SEMA5A: variants seen among roughly 807,000 people sequenced by gnomAD.
SEMA5A encodes the protein semaphorin-5A.
A neutral mutation model predicts 135.5 loss-of-function variants in SEMA5A; 55 were observed. The ratio of observed to expected loss-of-function variants is 0.41; its 90% CI spans 0.33 to 0.51. The LOEUF (loss-of-function observed/expected upper bound fraction) is 0.51. SEMA5A is among the 20% of genes least tolerant of loss of function. SEMA5A has a pLI of 0.37. For missense variants in SEMA5A, 1,290 were observed against 1,419.9 expected (o/e 0.91, Z 1.47); for synonymous variants, 580 against 546.5 (o/e 1.06, Z -0.85).
intron 5 of SEMA5A, among the ~76,000 whole-genome samples, chr5:9,295,338 A>G (rs376876011): frequency 6.6e-6 from 1 of 152,224 alleles, no homozygotes; most frequent in African/African-American, 2.4e-5. Context: ...GATGCTATTG[A>G]CAGAGGCAGT....
At chr5:9,436,071 C>T (rs1327815371) in intron 2 of SEMA5A, among the ~76,000 whole-genome samples, 1 of 152,190 alleles carries the variant, frequency 6.6e-6, no homozygotes, top group South Asian at 2.1e-4. Context: ...CTGCAATTCT[C>T]TTGCAGATTA....
intron 2 of SEMA5A, among the ~76,000 whole-genome samples, chr5:9,407,705 C>T (rs529068549): frequency 6.6e-6 from 1 of 152,304 alleles, no homozygotes; most frequent in African/African-American, 2.4e-5. Flanking sequence ...CCTCAGTCCC[C>T]AGCTACCCTC....
chr5:9,046,991 T>C (rs539794841), intron 21 of SEMA5A, among the ~76,000 whole-genome samples: 1 of 152,318 alleles, frequency 6.6e-6, no homozygotes, highest in African/African-American at 2.4e-5. Context: ...CTTTCTTGAC[T>C]CTGTCTTGAA....
At chr5:9,247,765 T>A (rs2150480048) in intron 5 of SEMA5A, among the ~76,000 whole-genome samples, 1 of 152,282 alleles carries the variant, frequency 6.6e-6, no homozygotes, top group African/African-American at 2.4e-5. Flanking sequence ...TGTTTTCAGC[T>A]ACAAAAAAAT....
At chr5:9,440,947 G>T (rs562836913) in intron 1 of SEMA5A, among the ~76,000 whole-genome samples, 1 of 152,326 alleles carries the variant, frequency 6.6e-6, no homozygotes, top group Non-Finnish European at 1.5e-5. Flanking sequence ...CCTGGCATCA[G>T]AAAGTTTAGT....
At chr5:9,192,762 G>A (rs1241117658) in intron 10 of SEMA5A, among the ~76,000 whole-genome samples, 1 of 152,160 alleles carries the variant, frequency 6.6e-6, no homozygotes, top group Non-Finnish European at 1.5e-5. Context: ...TACGTGTGGT[G>A]GTTTACATTC....
chr5:9,293,328 T>C (rs946916632), intron 5 of SEMA5A, among the ~76,000 whole-genome samples: 1 of 152,218 alleles, frequency 6.6e-6, no homozygotes, highest in Non-Finnish European at 1.5e-5. Context: ...AACTGCCTCC[T>C]TCTGAGAAAA....
intron 8 of SEMA5A, among the ~76,000 whole-genome samples, chr5:9,210,047 C>T (rs1746257927): frequency 6.6e-6 from 1 of 152,192 alleles, no homozygotes; most frequent in Non-Finnish European, 1.5e-5. Context: ...GATATCTTCA[C>T]TACAGTGAGG....
At chr5:9,362,477 C>T (rs1754740034) in intron 3 of SEMA5A, among the ~76,000 whole-genome samples, 1 of 152,208 alleles carries the variant, frequency 6.6e-6, no homozygotes, top group Admixed American at 6.5e-5. Context: ...ACTAGAAATA[C>T]TACCCTACGA....
At chr5:9,131,046 AC>A (rs1300723777) in intron 13 of SEMA5A, among the ~76,000 whole-genome samples, 1 of 151,878 alleles carries the variant, frequency 6.6e-6, no homozygotes. Flanking sequence ...TTATTAGGAG[AC>A]CCCCTAGGTG....
intron 1 of SEMA5A, among the ~76,000 whole-genome samples, chr5:9,526,732 C>T (rs1392177483): frequency 6.6e-6 from 1 of 152,168 alleles, no homozygotes; most frequent in African/African-American, 2.4e-5. Context: ...ACAGGGCCTG[C>T]AGGCAATGCT....
intron 5 of SEMA5A, among the ~76,000 whole-genome samples, chr5:9,276,088 A>AAGCT (rs1158174379): frequency 6.6e-6 from 1 of 152,224 alleles, no homozygotes; most frequent in Non-Finnish European, 1.5e-5. Flanking sequence ...AAATCTCCTT[A>AAGCT]AGCTGATAAG....
intron 1 of SEMA5A, among the ~76,000 whole-genome samples, chr5:9,505,774 G>A (rs540798909): frequency 6.6e-6 from 1 of 152,330 alleles, no homozygotes; most frequent in East Asian, 1.9e-4. Context: ...CTGCTGCTAG[G>A]AGGTATCGTG....
At chr5:9,223,991 G>A (rs779344675) in intron 8 of SEMA5A, among the ~76,000 whole-genome samples, 5 of 151,820 alleles carry the variant, frequency 3.3e-5, no homozygotes, top group Non-Finnish European at 7.4e-5. Flanking sequence ...AAGGGGAGAG[G>A]GATGTGGCTC....
At chr5:9,075,408 G>C (rs1419304628) in intron 16 of SEMA5A, among the ~76,000 whole-genome samples, 1 of 152,106 alleles carries the variant, frequency 6.6e-6, no homozygotes, top group African/African-American at 2.4e-5. Flanking sequence ...TAATAGACAA[G>C]AAACTGGAGA....
At chr5:9,504,013 G>A (rs1032356158) in intron 1 of SEMA5A, among the ~76,000 whole-genome samples, 1 of 151,778 alleles carries the variant, frequency 6.6e-6, no homozygotes, top group Non-Finnish European at 1.5e-5. Flanking sequence ...TCAGGGATTT[G>A]AGACTAGCCT....
chr5:9,534,429 A>T (rs1579701316), intron 1 of SEMA5A, among the ~76,000 whole-genome samples: 1 of 152,358 alleles, frequency 6.6e-6, no homozygotes, highest in East Asian at 1.9e-4. Context: ...CCAAAACTGC[A>T]CTAAAGTCCA....
chr5:9,352,936 C>A (rs375104632), intron 3 of SEMA5A, among the ~76,000 whole-genome samples: 33 of 151,834 alleles, frequency 2.2e-4, no homozygotes, highest in African/African-American at 8.0e-4. Flanking sequence ...ACTATACCAA[C>A]CCCTGCTCTA....
intron 18 of SEMA5A, among the ~76,000 whole-genome samples, chr5:9,058,495 T>C (rs185300008): frequency 1.1e-4 from 17 of 152,336 alleles, no homozygotes; most frequent in Non-Finnish European, 1.9e-4. Flanking sequence ...CATGTTTCTT[T>C]CAAGGAATCA....
Sources: allele counts gnomAD v4.1 joint callset (sites outside exome capture counted in the v4.1 genomes callset), GRCh38; gene constraint gnomAD v4.1.1; transcripts MANE v1.5; gene names NCBI Gene and HGNC (gene_info 2026-07-23, HGNC 2026-07-21).